The following SYT2 variants were observed in gnomAD, a reference collection of about 807,000 sequenced individuals.
The protein encoded by SYT2 is synaptotagmin 2, also known as synaptotagmin-2.
Under a neutral mutation model 39.9 loss-of-function variants are expected in SYT2, and 15 were observed. The ratio of observed to expected loss-of-function variants is 0.38; its 90% CI spans 0.25 to 0.58. SYT2 has a LOEUF of 0.58. Ranked by LOEUF, SYT2 falls within the 20% of genes least tolerant of loss-of-function variation. The pLI is 0.70. For synonymous variants in SYT2, 181 were observed against 204.5 expected (o/e 0.89, Z 0.98); for missense variants, 389 against 530.3 (o/e 0.73, Z 2.62).
chr1:202,658,802 T>C (rs749422200), intron 1 of SYT2, among the ~76,000 whole-genome samples: 3 of 152,074 alleles, frequency 2.0e-5, no homozygotes, highest in Non-Finnish European at 4.4e-5. Context: ...GGCACCCTCC[T>C]CTTGCCCCTG....
intron 1 of SYT2, among the ~76,000 whole-genome samples, chr1:202,692,195 C>G (rs1653854309): frequency 6.6e-6 from 1 of 152,058 alleles, no homozygotes; most frequent in African/African-American, 2.4e-5. Flanking sequence ...CATAGAGAAG[C>G]CTTGGCTCTC....
intron 1 of SYT2, among the ~76,000 whole-genome samples, chr1:202,669,972 G>A (rs763782911): frequency 6.6e-6 from 1 of 152,086 alleles, no homozygotes; most frequent in Non-Finnish European, 1.5e-5. Flanking sequence ...TACAAAGCTT[G>A]CAGGTCCAGA....
rs150596697 is a variant in SYT2, at chr1:202,646,497, C to T, written c.-17-40708G>A. ...CAGGAGGGCAAGGACCCCTGCTCAC[C>T]GAGCCTACTGGCCCGGAGTAGGCAC... is the stretch of plus-strand genomic sequence containing the variant. On this transcript the variant is annotated intron_variant, in intron 1 of 8. Coordinates refer to ENST00000367268, the MANE Select transcript of SYT2 (RefSeq NM_177402.5). Among the ~76,000 whole-genome samples the T allele has an allele frequency of 3.0e-4, 46 of 152,306 alleles. 1 individual carries two copies. The highest frequency in any genetic ancestry group is 9.9e-4 in the African/African-American group (41 of 41,572).
intron 1 of SYT2, among the ~76,000 whole-genome samples, chr1:202,606,890 GT>G (rs201928641): frequency 6.6e-6 from 1 of 151,606 alleles, no homozygotes; most frequent in African/African-American, 2.4e-5. Flanking sequence ...ACTATGTATA[GT>G]TTTTTTTCAA....
chr1:202,681,140 C>A (rs1184241226), intron 1 of SYT2, among the ~76,000 whole-genome samples: 6 of 152,046 alleles, frequency 3.9e-5, no homozygotes, highest in Non-Finnish European at 8.8e-5. Context: ...CAAGCCACAC[C>A]CCTCCTCCTG....
In SYT2 at chr1:202,607,470, G is replaced by A. The variant is rs529008876; in HGVS notation, c.-17-1681C>T. Among the ~76,000 whole-genome samples the A allele has an allele frequency of 4.7e-4, 72 of 152,312 alleles. 1 individual carries two copies. Among genetic ancestry groups the A allele is most frequent in the Non-Finnish European group, 6.6e-4 (45 of 68,020 alleles). ...AAATGTGAGACTTTTCTCACTGCAC[G>A]TTAGGTATGAGTTAACTCTCCTCTA... On this transcript the variant is annotated intron_variant, in intron 1 of 8. Transcript: ENST00000367268.
intron 1 of SYT2, among the ~76,000 whole-genome samples, chr1:202,649,709 A>G (rs1412212647): frequency 6.6e-6 from 1 of 152,196 alleles, no homozygotes; most frequent in African/African-American, 2.4e-5. Context: ...CATTGTAGAC[A>G]CTTGGATCCT....
At chr1:202,690,326 C>CT (rs1387401304) in intron 1 of SYT2, among the ~76,000 whole-genome samples, 1 of 152,206 alleles carries the variant, frequency 6.6e-6, no homozygotes, top group African/African-American at 2.4e-5. Context: ...GACACGCTCT[C>CT]TTTATCAAGT....
At chr1:202,703,663 C>G (rs1049434771) in intron 1 of SYT2, among the ~76,000 whole-genome samples, 1 of 152,104 alleles carries the variant, frequency 6.6e-6, no homozygotes, top group Non-Finnish European at 1.5e-5. Context: ...ATTTTTGCCT[C>G]GGTCACCTCT....
At chr1:202,674,347 C>A (rs1653284396) in intron 1 of SYT2, among the ~76,000 whole-genome samples, 1 of 152,150 alleles carries the variant, frequency 6.6e-6, no homozygotes, top group Admixed American at 6.5e-5. Context: ...GTTAATCCGC[C>A]CACCTCAGCT....
chr1:202,655,623 T>C (rs1692264908), intron 1 of SYT2, among the ~76,000 whole-genome samples: 1 of 152,072 alleles, frequency 6.6e-6, no homozygotes, highest in African/African-American at 2.4e-5. Context: ...CTCAGAGAAG[T>C]TAAACAATGT....
intron 1 of SYT2, among the ~76,000 whole-genome samples, chr1:202,666,930 C>T (rs1692490809): frequency 6.6e-6 from 1 of 152,204 alleles, no homozygotes; most frequent in South Asian, 2.1e-4. Context: ...TGCAATGAGA[C>T]AAGATCACAC....
At chr1:202,702,633 G>A (rs1412784258) in intron 1 of SYT2, among the ~76,000 whole-genome samples, 1 of 152,100 alleles carries the variant, frequency 6.6e-6, no homozygotes, top group East Asian at 1.9e-4. Flanking sequence ...CATCCTTCCT[G>A]CACTTCTAGA....
rs542257118 is a variant in SYT2 at position 202,676,465 on chromosome 1, C to A, written c.-18+33793G>T. Among the ~76,000 whole-genome samples the A allele has an allele frequency of 2.0e-5, 3 of 152,316 alleles. No homozygotes were observed. In the East Asian group the frequency reaches 5.8e-4, roughly 29 times the overall value. On this transcript the variant is annotated intron_variant, in intron 1 of 8. Coordinates refer to ENST00000367268, the MANE Select transcript of SYT2 (RefSeq NM_177402.5). ...TATCTTACAACACCTAGCATGCAGA[C>A]CCTCATTCAATTCATTCTGATTCTG...
At chr1:202,615,950 A>G (rs955705290) in intron 1 of SYT2, among the ~76,000 whole-genome samples, 8 of 152,080 alleles carry the variant, frequency 5.3e-5, no homozygotes, top group African/African-American at 1.9e-4. Context: ...CCCTGGAGAA[A>G]TCCCACTGAC....
At position 202,602,481 on chromosome 1, in the gene SYT2, G is replaced by A; in HGVS notation, c.530C>T (p.Pro177Leu). The A allele has an allele frequency of 6.2e-7, 1 of 1,614,130 alleles. No homozygotes were observed. Among genetic ancestry groups the A allele is most frequent in the Non-Finnish European group, 8.5e-7 (1 of 1,180,002 alleles). Reference protein sequence around the residue: ...PALDMGGTSDPYVKVFLLPDK... With the variant: ...PALDMGGTSDLYVKVFLLPDK... ...AGGAAGGAGGAAGACCTTGACATAA[G>A]GGTCTGAGGTGCCTCCCATGTCCAG... is the stretch of plus-strand genomic sequence containing the variant. Residue 177 changes from proline to leucine, a missense_variant, in exon 5 of 9, where the codon CCT becomes CTT. Physicochemically the swap from Pro to Leu is moderately conservative, Grantham distance 98. Transcript: ENST00000367268.
At chr1:202,633,328 G>C (rs1456656862) in intron 1 of SYT2, among the ~76,000 whole-genome samples, 3 of 152,194 alleles carry the variant, frequency 2.0e-5, no homozygotes, top group Non-Finnish European at 1.5e-5. Context: ...GAGGGCTGCA[G>C]TGACTCCAGA....
intron 1 of SYT2, among the ~76,000 whole-genome samples, chr1:202,653,540 G>A (rs192590710): frequency 8.7e-5 from 13 of 148,640 alleles, no homozygotes; most frequent in Admixed American, 3.4e-4. Context: ...TGCTGACCTC[G>A]TATGGGGGTC....
chr1:202,670,334 T>C (rs1692564817), intron 1 of SYT2, among the ~76,000 whole-genome samples: 1 of 152,068 alleles, frequency 6.6e-6, no homozygotes, highest in South Asian at 2.1e-4. Flanking sequence ...CATAGAGAAG[T>C]GGGAGCATCG....
Sources: gnomAD v4.1 joint callset for allele counts (sites outside exome capture counted in the v4.1 genomes callset) on GRCh38, gnomAD v4.1.1 for gene constraint, MANE v1.5 for transcripts, NCBI Gene and HGNC (gene_info 2026-07-23, HGNC 2026-07-21) for gene names.